TTC3: variants seen among roughly 807,000 people sequenced by gnomAD.
TTC3 encodes E3 ubiquitin-protein ligase TTC3.
Under a neutral mutation model 249.6 loss-of-function variants are expected in TTC3, and 180 were observed. The observed-to-expected ratio is 0.72, with a 90% confidence interval of 0.64 to 0.82. TTC3 has a LOEUF of 0.82. Ranked by LOEUF, TTC3 falls within the 40% of genes least tolerant of loss-of-function variation. The pLI is 0.00. For missense variants in TTC3, 2,061 were observed against 2,398.4 expected (o/e 0.86, Z 2.94); for synonymous variants, 717 against 805.0 (o/e 0.89, Z 1.85).
chr21:37,116,828 A>C (rs1238155124), intron 11 of TTC3, among the ~76,000 whole-genome samples: 1 of 151,974 alleles, frequency 6.6e-6, no homozygotes, highest in Non-Finnish European at 1.5e-5. Flanking sequence ...AATAAAAATA[A>C]ATAAATTTTT....
intron 35 of TTC3, among the ~76,000 whole-genome samples, chr21:37,173,093 A>G (rs2081950203): frequency 6.6e-6 from 1 of 152,186 alleles, no homozygotes; most frequent in East Asian, 1.9e-4. Flanking sequence ...TCAGAATGAG[A>G]GCCCTGGAGA....
chr21:37,158,774 CAATT>C (rs1432760142), intron 28 of TTC3, among the ~76,000 whole-genome samples: 1 of 152,142 alleles, frequency 6.6e-6, no homozygotes, highest in Non-Finnish European at 1.5e-5. Context: ...TAATTAGTCT[CAATT>C]CTTTCTTTTC....
chr21:37,170,792 G>A (rs184083713), intron 34 of TTC3, among the ~76,000 whole-genome samples: 133 of 152,142 alleles, frequency 8.7e-4, no homozygotes, highest in African/African-American at 2.9e-3. Context: ...TTTTTTAAAT[G>A]AATAATACCA....
chr21:37,166,761 A>G, intron 33 of TTC3, 146 bp downstream of exon 33: 1 of 1,363,962 alleles, frequency 7.3e-7, no homozygotes. Context: ...CTTTTAAAAT[A>G]TGAACTCTTT....
intron 24 of TTC3, 114 bp downstream of exon 24, chr21:37,150,284 C>T (rs903698068): frequency 6.7e-6 from 5 of 745,044 alleles, no homozygotes; most frequent in South Asian, 3.4e-5. Flanking sequence ...AGGAAAGAAA[C>T]AATTACTTCA....
Position 37,126,061 on chromosome 21 carries a change from TC to T in TTC3, c.1234-18del. The T allele has an allele frequency of 6.3e-7, 1 of 1,577,276 alleles. No homozygotes were observed. The highest frequency in any genetic ancestry group is 8.6e-7 in the Non-Finnish European group (1 of 1,163,808). On this transcript the variant is annotated intron_variant, in intron 14 of 45. Coordinates refer to ENST00000355666, the Ensembl canonical transcript of TTC3. The stretch of plus-strand genomic sequence containing the variant: ...GGGTTGTTTTTTTTTTTTTTAAGTC[TC>T]ACTAATTTCATTGGCAGGTGGCGGA...
At chr21:37,174,374 C>G (rs1271526851) in intron 35 of TTC3, among the ~76,000 whole-genome samples, 1 of 152,230 alleles carries the variant, frequency 6.6e-6, no homozygotes, top group Non-Finnish European at 1.5e-5. Flanking sequence ...TACCTATTCC[C>G]TACCAGGATA....
intron 11 of TTC3, among the ~76,000 whole-genome samples, chr21:37,114,497 A>T (rs575425500): frequency 2.0e-5 from 3 of 152,354 alleles, no homozygotes; most frequent in Non-Finnish European, 2.9e-5. Flanking sequence ...ATCTCACACC[A>T]TTTAGAATGG....
chr21:37,165,736 T>C lies in TTC3; in HGVS notation c.3522T>C (p.Val1174=), dbSNP rs1433185455. 1.9e-6 allele frequency: 3 copies of C among 1,613,454 alleles called. No individual in the cohort carries two copies. The African/African-American group carries it at 4.0e-5, about 22-fold the overall frequency. Residue 1174 remains valine (V), a synonymous_variant, in exon 33 of 46, where the codon GTT becomes GTC. Coordinates refer to ENST00000355666, the Ensembl canonical transcript of TTC3. ...ACAACTGTATTGCACTGAAGAAGGT[T>C]GCATCACGGCTCAAGAAAAAAAGGA...
exon 39 of TTC3, chr21:37,188,578 G>A: frequency 1.9e-6 from 3 of 1,614,044 alleles, no homozygotes; most frequent in Non-Finnish European, 2.5e-6. Flanking sequence ...TTCTGAAGAA[G>A]CTGGGGCTGA....
chr21:37,162,087 G>T (rs1156674566), intron 31 of TTC3, 24 bp downstream of exon 31: 2 of 1,455,948 alleles, frequency 1.4e-6, no homozygotes, highest in South Asian at 1.4e-5. Flanking sequence ...TTAAATTTTT[G>T]CTTCATTTTA....
chr21:37,138,806 G>A (rs902754378), intron 19 of TTC3, 92 bp downstream of exon 19: 32 of 791,536 alleles, frequency 4.0e-5, no homozygotes, highest in Non-Finnish European at 6.0e-5. Flanking sequence ...TTTCTTCTCT[G>A]TACCTTCTGA....
intron 34 of TTC3, among the ~76,000 whole-genome samples, chr21:37,171,699 AC>A (rs2081805619): frequency 1.3e-5 from 2 of 152,238 alleles, no homozygotes; most frequent in African/African-American, 4.8e-5. Flanking sequence ...TATTTATAGT[AC>A]TAAACTTTCG....
In TTC3 at chr21:37,197,599, T is replaced by C. The variant is rs1186620253; in HGVS notation, c.5609T>C (p.Val1870Ala). 27 of 1,611,856 alleles carry C rather than the reference T, an allele frequency of 1.7e-5. No homozygotes were observed. The highest frequency in any genetic ancestry group is 2.7e-5 in the African/African-American group (2 of 74,800). The change falls in exon 43 of 46, where the codon GTG (valine) becomes GCG (alanine). Residue 1870 changes from valine (V) to alanine (A), a missense_variant. Physicochemically the swap from Val to Ala is moderately conservative, Grantham distance 64 (BLOSUM62 0). Around this residue, in one of 3 missense-constraint regions of TTC3, gnomAD observed 1,040 missense variants for 1,186.1 expected, o/e 0.88. Transcript: ENST00000355666. Reference sequence around the variant, plus strand: ...GAGCTTGCTGGTTTTATTAAAAAAGTGCGAAGCAAAAACAAGAACTCACTC... The same window carrying C: ...GAGCTTGCTGGTTTTATTAAAAAAGCGCGAAGCAAAAACAAGAACTCACTC...
chr21:37,118,442 A>T (rs1259548683), intron 11 of TTC3, among the ~76,000 whole-genome samples: 1 of 152,202 alleles, frequency 6.6e-6, no homozygotes, highest in African/African-American at 2.4e-5. Context: ...CTTAGCCTCA[A>T]CAGATATGTT....
At chr21:37,085,064 T>C (rs951784020) in intron 1 of TTC3, among the ~76,000 whole-genome samples, 2 of 152,058 alleles carry the variant, frequency 1.3e-5, no homozygotes, top group African/African-American at 4.8e-5. Flanking sequence ...TACAGTACAA[T>C]TGGTGCTGTG....
chr21:37,131,674 G>C (rs75205842), intron 16 of TTC3, among the ~76,000 whole-genome samples: 1 of 152,148 alleles, frequency 6.6e-6, no homozygotes, highest in African/African-American at 2.4e-5. Flanking sequence ...CAGCTGAAGT[G>C]AGGGCAGTCT....
chr21:37,098,077 GA>G, intron 10 of TTC3: 1 of 591,578 alleles, frequency 1.7e-6, no homozygotes, highest in South Asian at 2.2e-5. Flanking sequence ...TAGACTAGAG[GA>G]ATGGATGGGC....
intron 10 of TTC3, among the ~76,000 whole-genome samples, chr21:37,103,536 A>T (rs971379159): frequency 1.3e-5 from 2 of 152,070 alleles, no homozygotes; most frequent in African/African-American, 4.8e-5. Flanking sequence ...ATGTGGTCAT[A>T]TGCCAGTAAA....
Sources: gnomAD v4.1 joint callset for allele counts (sites outside exome capture counted in the v4.1 genomes callset) on GRCh38, gnomAD v4.1.1 for gene constraint, gnomAD v4.1.1 regional missense constraint, MANE v1.5 for transcripts, NCBI Gene and HGNC (gene_info 2026-07-23, HGNC 2026-07-21) for gene names.